Variants in CARMIL1 observed in about 807,000 individuals in gnomAD.
CARMIL1 encodes F-actin-uncapping protein LRRC16A.
A neutral mutation model predicts 177.1 loss-of-function variants in CARMIL1; 90 were observed. The ratio of observed to expected loss-of-function variants is 0.51; its 90% CI spans 0.43 to 0.61. The LOEUF is 0.61. CARMIL1 is among the 20% of genes least tolerant of loss of function. The pLI, the probability that CARMIL1 is intolerant of heterozygous loss-of-function variation, is 0.00. For missense variants in CARMIL1, 1,380 were observed against 1,667.0 expected, an observed-to-expected ratio of 0.83 and a Z score of 3.00; for synonymous variants, 577 against 606.2, an observed-to-expected ratio of 0.95 and a Z score of 0.71.
Position 25,573,008 on chromosome 6 carries a change from AACAC to A in CARMIL1, c.2743-7911_2743-7908del, listed in dbSNP as rs1174290091. 3.3e-5 allele frequency among the ~76,000 whole-genome samples: 5 copies of A among 152,290 alleles called. No individual in the cohort carries two copies. The East Asian group carries it at 9.6e-4, about 29-fold the overall frequency. On this transcript the variant is annotated intron_variant, in intron 29 of 36. Transcript: ENST00000329474. ...AGCACTGATTCAGTTCATTCATTCA[AACAC>A]ACACTTCTTGAAGGCCCATTATATG...
chr6:25,567,879 A>C (rs1173249892), intron 29 of CARMIL1, among the ~76,000 whole-genome samples: 1 of 152,248 alleles, frequency 6.6e-6, no homozygotes, highest in African/African-American at 2.4e-5. Context: ...TCTTCAGCTC[A>C]CATGTAGACA....
At chr6:25,587,185 C>G (rs1000733663) in intron 31 of CARMIL1, among the ~76,000 whole-genome samples, 7 of 152,096 alleles carry the variant, frequency 4.6e-5, no homozygotes, top group Non-Finnish European at 7.4e-5. Flanking sequence ...TCCACCTCTA[C>G]CACTCCAAAA....
intron 2 of CARMIL1, among the ~76,000 whole-genome samples, chr6:25,417,874 A>G (rs890006727): frequency 6.6e-6 from 1 of 152,168 alleles, no homozygotes; most frequent in Non-Finnish European, 1.5e-5. Context: ...TGTTGTGAGG[A>G]TTAAGTGTGC....
chr6:25,491,742 AT>A lies in CARMIL1; in HGVS notation c.1082del (p.Leu361TrpfsTer34). 5.7e-6 allele frequency: 9 copies of A among 1,591,832 alleles called. No homozygotes were observed. The highest frequency in any genetic ancestry group is 1.7e-5 in the Admixed American group (1 of 58,334). ...TTATTTTTTTTCAAGCACATGTATA[AT>A]TTTTTGGCCCAGCCAAATGCCATTG... ...LRGDDLSHMY[N>X]FLAQPNAIVH... On this transcript the variant is annotated frameshift_variant, in exon 14 of 37. Coordinates refer to ENST00000329474, the MANE Select transcript of CARMIL1 (RefSeq NM_017640.6). LOFTEE classifies it high-confidence loss of function.
chr6:25,562,259 T>C (rs1811184717), intron 29 of CARMIL1, among the ~76,000 whole-genome samples: 1 of 151,836 alleles, frequency 6.6e-6, no homozygotes, highest in Non-Finnish European at 1.5e-5. Flanking sequence ...TTTTTTTTTT[T>C]TTCTTTGAGA....
chr6:25,465,850 T>G, intron 8 of CARMIL1, 23 bp from the exon 9 acceptor site: 1 of 1,498,018 alleles, frequency 6.7e-7, no homozygotes, highest in Non-Finnish European at 9.3e-7. Context: ...CACTTTCATG[T>G]ACTTTGTTGT....
chr6:25,510,419 A>ACG, intron 18 of CARMIL1, 88 bp from the exon 19 acceptor site: 1 of 743,996 alleles, frequency 1.3e-6, no homozygotes, highest in Non-Finnish European at 2.2e-6. Context: ...TCATCCAACT[A>ACG]TATGTCACCT....
intron 11 of CARMIL1, among the ~76,000 whole-genome samples, chr6:25,477,852 CT>C (rs56068417): frequency 0.014 from 1,397 of 97,954 alleles, 5 homozygotes; most frequent in Middle Eastern, 0.021. Flanking sequence ...CTTCTCATCA[CT>C]TTTTTTTTTT....
chr6:25,454,545 A>C (rs1799290629), intron 8 of CARMIL1, among the ~76,000 whole-genome samples: 1 of 152,196 alleles, frequency 6.6e-6, no homozygotes, highest in Admixed American at 6.5e-5. Context: ...GACTTATTTT[A>C]ATATTTCTCC....
intron 2 of CARMIL1, among the ~76,000 whole-genome samples, chr6:25,310,196 C>T (rs1783681135): frequency 6.6e-6 from 1 of 152,124 alleles, no homozygotes; most frequent in Admixed American, 6.6e-5. Context: ...AGTCTCTGAT[C>T]CCCTAGATGT....
intron 22 of CARMIL1, among the ~76,000 whole-genome samples, chr6:25,519,182 C>T (rs1806304289): frequency 6.6e-6 from 1 of 152,114 alleles, no homozygotes; most frequent in African/African-American, 2.4e-5. Flanking sequence ...TAGATGTCGT[C>T]TAAATATGGC....
At chr6:25,531,639 T>TA (rs955724589) in intron 24 of CARMIL1, among the ~76,000 whole-genome samples, 1 of 152,182 alleles carries the variant, frequency 6.6e-6, no homozygotes, top group Non-Finnish European at 1.5e-5. Flanking sequence ...ACCAGTCCCT[T>TA]AAAAATCTAA....
At position 25,495,112 on chromosome 6, in the gene CARMIL1, A is replaced by G; in HGVS notation, c.1222A>G (p.Lys408Glu). The change falls in exon 16 of 37, where the codon AAA becomes GAA. Residue 408 changes from lysine (K) to glutamate (E), a missense_variant and splice_region_variant. Physicochemically the swap from Lys to Glu is moderately conservative, Grantham distance 56. Coordinates refer to ENST00000329474, the MANE Select transcript of CARMIL1 (RefSeq NM_017640.6). ...GTGTAACTCTTGTGTTTTTTTCAGGAAAGGAAAAGAAGTACCTCCATCTTT... is the reference window on the plus strand; with the variant it reads ...GTGTAACTCTTGTGTTTTTTTCAGGGAAGGAAAAGAAGTACCTCCATCTTT... Reference protein sequence around the residue: ...NLSRTVFSHRKGKEVPPSFKQ... With the variant: ...NLSRTVFSHREGKEVPPSFKQ... 1 of 1,602,252 alleles carries G rather than the reference A, an allele frequency of 6.2e-7. No individual in the cohort carries two copies. The highest frequency in any genetic ancestry group is 2.2e-5 in the East Asian group (1 of 44,676).
chr6:25,320,245 T>C (rs182840198), intron 2 of CARMIL1, among the ~76,000 whole-genome samples: 78 of 152,246 alleles, frequency 5.1e-4, no homozygotes, highest in Admixed American at 2.9e-3. Context: ...TGATTTCTAG[T>C]GGGGTTAGAG....
At chr6:25,314,302 GTC>G (rs1784086918) in intron 2 of CARMIL1, among the ~76,000 whole-genome samples, 1 of 141,272 alleles carries the variant, frequency 7.1e-6, no homozygotes, top group Non-Finnish European at 1.6e-5. Context: ...GTGAAACCCT[GTC>G]TCTACTAAAA....
At chr6:25,374,840 C>T (rs1205198897) in intron 2 of CARMIL1, among the ~76,000 whole-genome samples, 2 of 151,894 alleles carry the variant, frequency 1.3e-5, no homozygotes, top group Non-Finnish European at 2.9e-5. Flanking sequence ...ATAGCTTTTC[C>T]TGCTCACTTT....
chr6:25,415,043 G>A (rs1795243707), intron 2 of CARMIL1, among the ~76,000 whole-genome samples: 1 of 152,220 alleles, frequency 6.6e-6, no homozygotes. Flanking sequence ...TTGCTGGGGT[G>A]AAGGTAGAAA....
rs940513015 is a variant in CARMIL1 at position 25,515,569 on chromosome 6, A to T, written c.1633-106A>T. The stretch of plus-strand genomic sequence containing the variant: ...TTTTAGGTAGTAGTTCTAAAATCAG[A>T]CACGTGCAGTAGGTCCATCCCCTCT... On this transcript the variant is annotated intron_variant, in intron 20 of 36. Transcript: ENST00000329474. The surrounding 1 kb of genome is among the most constrained non-coding windows in gnomAD (Gnocchi z 5.0). 8 of 1,030,322 alleles carry T rather than the reference A, an allele frequency of 7.8e-6. No individual in the cohort carries two copies. In the African/African-American group the frequency reaches 1.1e-4, roughly 14 times the overall value. 63.8% of individuals were successfully genotyped at this position (1,030,322 alleles called of 1,614,324 possible).
chr6:25,541,560 C>T (rs908825608), intron 26 of CARMIL1, among the ~76,000 whole-genome samples: 3 of 152,114 alleles, frequency 2.0e-5, no homozygotes, highest in Non-Finnish European at 2.9e-5. Flanking sequence ...TTCACTAGTG[C>T]GAGCAATTGC....
Sources: allele counts gnomAD v4.1 joint callset (sites outside exome capture counted in the v4.1 genomes callset), GRCh38; gene constraint gnomAD v4.1.1; non-coding constraint Gnocchi (gnomAD v3.1); transcripts MANE v1.5; gene names NCBI Gene and HGNC (gene_info 2026-07-23, HGNC 2026-07-21).